ADAM19: variants seen among roughly 807,000 people sequenced by gnomAD.
The protein encoded by ADAM19 is disintegrin and metalloproteinase domain-containing protein 19.
In ADAM19, 65 loss-of-function variants were observed where a neutral mutation model predicts 114.7. The ratio of observed to expected loss-of-function variants is 0.57; its 90% CI spans 0.46 to 0.70. ADAM19 has a LOEUF of 0.70. Among genes scored for constraint, ADAM19 ranks in the 30% least tolerant of loss-of-function variants. ADAM19 has a pLI of 0.00. For missense variants in ADAM19, 1,063 were observed against 1,204.7 expected (o/e 0.88, Z 1.74); for synonymous variants, 466 against 460.5 (o/e 1.01, Z -0.15).
chr5:157,481,426 A>G (rs1754742684), intron 22 of ADAM19: 7 of 655,814 alleles, frequency 1.1e-5, no homozygotes, highest in South Asian at 1.0e-4. Context: ...GGTGGCTTCT[A>G]CTAATGCACT....
chr5:157,566,431 CAT>C (rs775354391), intron 2 of ADAM19: 6 of 152,160 alleles, frequency 3.9e-5, no homozygotes, highest in Non-Finnish European at 1.5e-5. Flanking sequence ...CATCTTTCCA[CAT>C]GTTTACAATT....
intron 8 of ADAM19, among the ~76,000 whole-genome samples, chr5:157,512,865 T>C (rs566168791): frequency 6.6e-6 from 1 of 152,352 alleles, no homozygotes; most frequent in African/African-American, 2.4e-5. Context: ...TCTCAACTTT[T>C]AAGGCTGTGT....
chr5:157,481,272 T>C (rs960336618), intron 22 of ADAM19: 2 of 579,600 alleles, frequency 3.5e-6, no homozygotes, highest in Admixed American at 6.1e-5. Context: ...GTTTTCTCAA[T>C]GCCTCGTGGG....
At chr5:157,505,859 T>A in intron 10 of ADAM19, 51 bp from the exon 11 acceptor site, 1 of 1,585,648 alleles carries the variant, frequency 6.3e-7, no homozygotes. Context: ...GATCTGCCTC[T>A]GCCCCCCATC....
At chr5:157,496,757 C>T in intron 14 of ADAM19, 137 bp downstream of exon 14, 1 of 704,434 alleles carries the variant, frequency 1.4e-6, no homozygotes, top group Non-Finnish European at 2.2e-6. Flanking sequence ...GAACATCTAC[C>T]CTGAGTCAAG....
At chr5:157,553,293 C>T (rs958256211) in intron 3 of ADAM19, among the ~76,000 whole-genome samples, 12 of 151,610 alleles carry the variant, frequency 7.9e-5, no homozygotes, top group East Asian at 5.8e-4. Flanking sequence ...TCTTGTACCC[C>T]GTAAATATAT....
rs956672921 is a variant in ADAM19, at chr5:157,494,848, G to A, written c.1595-53C>T. 6.3e-6 allele frequency: 9 copies of A among 1,436,998 alleles called. No individual in the cohort carries two copies. The East Asian group carries it at 1.6e-4, about 26-fold the overall frequency. 89.0% of individuals were successfully genotyped at this position (1,436,998 alleles called of 1,614,324 possible). On this transcript the variant is annotated intron_variant, in intron 14 of 22. Transcript: ENST00000257527. ...ATACTCATCTGTCAGAAGCCCCCAA[G>A]GGCAAAGGTATCTTTGGTAAAGTCA... is the stretch of plus-strand genomic sequence containing the variant.
chr5:157,532,981 T>C (rs1042232009), intron 4 of ADAM19, among the ~76,000 whole-genome samples: 3 of 152,016 alleles, frequency 2.0e-5, no homozygotes, highest in African/African-American at 7.3e-5. Flanking sequence ...TGGCAGGCGA[T>C]AAACATCGGC....
chr5:157,490,834 G>C (rs1447689121), intron 18 of ADAM19, among the ~76,000 whole-genome samples: 2 of 147,982 alleles, frequency 1.4e-5, no homozygotes, highest in Non-Finnish European at 3.0e-5. Flanking sequence ...GGAGGTTGCA[G>C]TAAGTCGAGA....
At chr5:157,575,320 C>G (rs759579302) in intron 1 of ADAM19, among the ~76,000 whole-genome samples, 7 of 152,138 alleles carry the variant, frequency 4.6e-5, no homozygotes, top group Non-Finnish European at 1.0e-4. Context: ...GAAAGAGAAG[C>G]CAAAAGCAGA....
Position 157,520,027 on chromosome 5 carries a change from G to C in ADAM19, c.412C>G (p.Leu138Val). The change falls in exon 6 of 23, where the codon CTG (leucine) becomes GTG (valine). Residue 138 changes from leucine (L) to valine (V), a missense_variant. By Grantham distance (32) the Leu-to-Val change is conservative. Around this residue, in one of 3 missense-constraint regions of ADAM19, gnomAD observed 615 missense variants for 706.3 expected, o/e 0.87. Coordinates refer to ENST00000257527, the MANE Select transcript of ADAM19 (RefSeq NM_033274.5). ...TLSTCRGIRG[L>V]ITVSSNLSYV... ...CTGAGGTTGCTGCTCACCGTAATCA[G>C]TCCTCTGTTGAGAGGAGAAATAGAA... 2 of 1,611,262 alleles carry C rather than the reference G, an allele frequency of 1.2e-6. No individual in the cohort carries two copies. Among genetic ancestry groups the C allele is most frequent in the Non-Finnish European group, 1.7e-6 (2 of 1,178,336 alleles).
intron 11 of ADAM19, among the ~76,000 whole-genome samples, chr5:157,503,757 G>C (rs994897427): frequency 5.3e-5 from 8 of 152,086 alleles, no homozygotes; most frequent in African/African-American, 1.7e-4. Flanking sequence ...AGAGGACCAG[G>C]CCAAAAAAAG....
intron 14 of ADAM19, among the ~76,000 whole-genome samples, 156 bp downstream of exon 14, chr5:157,496,738 G>T (rs1475353042): frequency 1.3e-5 from 2 of 152,190 alleles, no homozygotes; most frequent in Admixed American, 6.5e-5. Flanking sequence ...CTGTCCTCTG[G>T]TTCTCCCTGA....
At position 157,575,592 on chromosome 5, in the gene ADAM19, T is replaced by C; in HGVS notation, c.94+11A>G. 1 of 1,461,596 alleles carries C rather than the reference T, an allele frequency of 6.8e-7. No individual in the cohort carries two copies. Among genetic ancestry groups the C allele is most frequent in the South Asian group, 1.3e-5 (1 of 76,436 alleles). 90.5% of individuals were successfully genotyped at this position (1,461,596 alleles called of 1,614,324 possible). ...CACCCAGCCTCCATCCCCCCGCGCC[T>C]GGCCACTTACTTGTCCATCCAGGCT... On this transcript the variant is annotated intron_variant, in intron 1 of 22. Coordinates refer to ENST00000257527, the MANE Select transcript of ADAM19 (RefSeq NM_033274.5).
intron 12 of ADAM19, 128 bp downstream of exon 12, chr5:157,502,675 G>C: frequency 1.0e-6 from 1 of 969,160 alleles, no homozygotes; most frequent in East Asian, 2.5e-5. Flanking sequence ...ATTTTTCATG[G>C]GGTATTGGAC....
intron 3 of ADAM19, among the ~76,000 whole-genome samples, chr5:157,538,462 T>C (rs972979779): frequency 5.3e-5 from 8 of 152,240 alleles, no homozygotes; most frequent in Admixed American, 1.3e-4. Context: ...GGTGTCCTAC[T>C]TGGCCCTGGC....
At chr5:157,520,303 C>T (rs1231045155) in intron 5 of ADAM19, among the ~76,000 whole-genome samples, 1 of 150,354 alleles carries the variant, frequency 6.7e-6, no homozygotes, top group Non-Finnish European at 1.5e-5. Context: ...CCACCACCAC[C>T]AAGCTCATCG....
Position 157,575,673 on chromosome 5 carries a change from G to A in ADAM19, c.24C>T (p.Ala8=). The change falls in exon 1 of 23, where the codon GCC becomes GCT. Residue 8 remains alanine, a synonymous_variant. Transcript: ENST00000257527. The part of the protein sequence containing the change: MPGGAGA[A]RLCLLAFALQ... Reference sequence around the variant, plus strand: ...GGGCAAACGCCAGCAAGCAGAGCCGGGCGGCGCCTGCGCCCCCTGGCATGG... The same window carrying A: ...GGGCAAACGCCAGCAAGCAGAGCCGAGCGGCGCCTGCGCCCCCTGGCATGG... The A allele has an allele frequency of 1.5e-6, 2 of 1,355,470 alleles. No homozygotes were observed. The highest frequency in any genetic ancestry group is 1.5e-5 in the African/African-American group (1 of 65,262). 84.0% of individuals were successfully genotyped at this position (1,355,470 alleles called of 1,614,324 possible).
rs200828291 is a variant in ADAM19 at position 157,481,885 on chromosome 5, C to T, written c.2609G>A (p.Arg870His). 15 of 1,600,932 alleles carry T rather than the reference C, an allele frequency of 9.4e-6. No individual in the cohort carries two copies. Among genetic ancestry groups the T allele is most frequent in the East Asian group, 4.5e-5 (2 of 44,418 alleles). The part of the protein sequence containing the change: ...KALPANPVPG[R>H]RSLPRPGGAS... ...ACCTCCTGGCCTGGGGAGGCTCCTG[C>T]GGCCTGGCACTGGGTTTGCCGGGAG... Residue 870 changes from arginine to histidine, a missense_variant, in exon 22 of 23, where the codon CGC (arginine) becomes CAC (histidine). Physicochemically the swap from Arg to His is conservative, Grantham distance 29. This residue lies in a region of ADAM19 where 424 missense variants were observed against 445.5 expected (regional missense o/e 0.95). Coordinates refer to ENST00000257527, the MANE Select transcript of ADAM19 (RefSeq NM_033274.5).
Sources: allele counts gnomAD v4.1 joint callset (sites outside exome capture counted in the v4.1 genomes callset), GRCh38; gene constraint gnomAD v4.1.1; regional missense constraint gnomAD v4.1.1; transcripts MANE v1.5; gene names NCBI Gene and HGNC (gene_info 2026-07-23, HGNC 2026-07-21).